Variants in PLPPR1 observed in about 807,000 individuals in gnomAD.
PLPPR1 encodes phospholipid phosphatase related 1.
PLPPR1 carries 10 observed loss-of-function variants against 33.1 expected under a neutral mutation model. The observed-to-expected ratio is 0.30, with a 90% CI of 0.19 to 0.51. The LOEUF is 0.51. PLPPR1 is among the 20% of genes least tolerant of loss of function. The probability of loss-of-function intolerance (pLI) is 0.97; values close to 1 mark genes in which losing one functional copy is unlikely to be tolerated. For synonymous variants in PLPPR1, 151 were observed against 151.0 expected (o/e 1.00, Z 0.00); for missense variants, 304 against 408.1 (o/e 0.74, Z 2.20).
At chr9:101,048,193 A>G (rs956380620) in intron 1 of PLPPR1, among the ~76,000 whole-genome samples, 3 of 152,220 alleles carry the variant, frequency 2.0e-5, no homozygotes, top group Admixed American at 1.3e-4. Context: ...AAACCAGTCC[A>G]TAAATAGATG....
chr9:101,089,841 A>G (rs1045026669), intron 1 of PLPPR1, among the ~76,000 whole-genome samples: 7 of 152,140 alleles, frequency 4.6e-5, no homozygotes, highest in African/African-American at 1.7e-4. Flanking sequence ...TTTGATACAT[A>G]TTTCTAAACT....
chr9:101,215,067 C>G (rs1408048635), intron 2 of PLPPR1, among the ~76,000 whole-genome samples: 1 of 150,272 alleles, frequency 6.7e-6, no homozygotes, highest in African/African-American at 2.4e-5. Context: ...GCTAAAGGGA[C>G]CAGATAAACT....
At position 101,110,817 on chromosome 9, in the gene PLPPR1, A is replaced by G. The variant is rs1460434099; in HGVS notation, c.-45-74633A>G. On this transcript the variant is annotated intron_variant, in intron 1 of 7. Coordinates refer to ENST00000374874, the MANE Select transcript of PLPPR1 (RefSeq NM_207299.2). ...ATGATGTTCATGTGTTACTTCTATA[A>G]TTAGTAATAGTTTATAAAGAGCCTT... 2.0e-5 allele frequency among the ~76,000 whole-genome samples: 3 copies of G among 152,162 alleles called. No individual in the cohort carries two copies. In the South Asian group the frequency reaches 6.2e-4, roughly 32 times the overall value.
At chr9:101,303,968 T>A (rs1828798724) in intron 4 of PLPPR1, among the ~76,000 whole-genome samples, 1 of 152,236 alleles carries the variant, frequency 6.6e-6, no homozygotes, top group African/African-American at 2.4e-5. Context: ...GAGTTTCTTG[T>A]GCTTCACAAA....
At chr9:101,180,136 A>G (rs1398747578) in intron 1 of PLPPR1, among the ~76,000 whole-genome samples, 1 of 51,152 alleles carries the variant, frequency 2.0e-5, no homozygotes. Context: ...ATATATATAT[A>G]TATATATACA....
In PLPPR1 at chr9:101,119,746, G is replaced by A. The variant is rs185609374; in HGVS notation, c.-45-65704G>A. Among the ~76,000 whole-genome samples, 97 of 152,264 alleles carry A rather than the reference G, an allele frequency of 6.4e-4. 1 individual carries two copies. Among genetic ancestry groups the A allele is most frequent in the African/African-American group, 2.1e-3 (88 of 41,568 alleles). On this transcript the variant is annotated intron_variant, in intron 1 of 7. Transcript: ENST00000374874. ...GATGAGATGCCTTCCAGAGGACCTC[G>A]AAGATAACCTCAATTGGCCTTTTTG...
At chr9:101,220,452 C>T (rs1340482214) in intron 2 of PLPPR1, among the ~76,000 whole-genome samples, 1 of 152,200 alleles carries the variant, frequency 6.6e-6, no homozygotes, top group Non-Finnish European at 1.5e-5. Context: ...TTCAAACTGA[C>T]TGCTTTACCT....
intron 2 of PLPPR1, among the ~76,000 whole-genome samples, chr9:101,190,232 T>C (rs576836024): frequency 2.6e-5 from 4 of 152,314 alleles, no homozygotes; most frequent in African/African-American, 7.2e-5. Context: ...GGGATAACCA[T>C]TGTTTGTAGG....
intron 6 of PLPPR1, among the ~76,000 whole-genome samples, chr9:101,316,032 A>T (rs1829044763): frequency 6.6e-6 from 1 of 152,202 alleles, no homozygotes; most frequent in African/African-American, 2.4e-5. Flanking sequence ...GAGGAAAATG[A>T]GGCTCAAAGA....
intron 1 of PLPPR1, among the ~76,000 whole-genome samples, chr9:101,040,053 T>C (rs1473776955): frequency 6.6e-6 from 1 of 152,004 alleles, no homozygotes; most frequent in Non-Finnish European, 1.5e-5. Flanking sequence ...ATTCAGAACA[T>C]AGCAAGAGGT....
chr9:101,313,386 C>G (rs1023543444), intron 6 of PLPPR1, among the ~76,000 whole-genome samples: 5 of 152,182 alleles, frequency 3.3e-5, no homozygotes, highest in African/African-American at 9.7e-5. Flanking sequence ...CTGGTAGAAG[C>G]AAGCAGCCTC....
intron 2 of PLPPR1, among the ~76,000 whole-genome samples, chr9:101,254,833 T>C (rs1827771356): frequency 6.6e-6 from 1 of 152,158 alleles, no homozygotes; most frequent in African/African-American, 2.4e-5. Flanking sequence ...TAACCAAAAA[T>C]GACACTGTAT....
chr9:101,162,666 C>T (rs750830062), intron 1 of PLPPR1, among the ~76,000 whole-genome samples: 6 of 152,098 alleles, frequency 3.9e-5, no homozygotes, highest in Non-Finnish European at 8.8e-5. Flanking sequence ...TCAATCTTAC[C>T]ATTGCTTTTG....
At chr9:101,129,683 T>C (rs1429475846) in intron 1 of PLPPR1, among the ~76,000 whole-genome samples, 1 of 151,918 alleles carries the variant, frequency 6.6e-6, no homozygotes, top group East Asian at 1.9e-4. Context: ...TACAAAAAAA[T>C]AGCCAGGTGT....
chr9:101,106,084 G>GA (rs1352107246), intron 1 of PLPPR1, among the ~76,000 whole-genome samples: 3 of 151,360 alleles, frequency 2.0e-5, no homozygotes, highest in African/African-American at 7.4e-5. Context: ...GCACACTGAT[G>GA]GTCTTGACTC....
intron 2 of PLPPR1, among the ~76,000 whole-genome samples, chr9:101,268,211 C>G (rs1828033233): frequency 6.6e-6 from 1 of 151,172 alleles, no homozygotes; most frequent in Non-Finnish European, 1.5e-5. Context: ...TGTAACAAAC[C>G]TGCACATTGT....
intron 1 of PLPPR1, among the ~76,000 whole-genome samples, chr9:101,124,617 C>A (rs1831222024): frequency 6.6e-6 from 1 of 152,130 alleles, no homozygotes; most frequent in Non-Finnish European, 1.5e-5. Context: ...GAAACAGGCC[C>A]CTTCTAACAG....
chr9:101,054,820 C>G lies in PLPPR1; in HGVS notation c.-46+25718C>G, dbSNP rs536024191. On this transcript the variant is annotated intron_variant, in intron 1 of 7. Transcript: ENST00000374874. ...ACCTCTCCGTGTGCATTTGCTGTGT[C>G]AGCCAAAAGTGAAAAGACAGAATGG... is the stretch of plus-strand genomic sequence containing the variant. 3.3e-4 allele frequency among the ~76,000 whole-genome samples: 50 copies of G among 152,296 alleles called. No individual in the cohort carries two copies. In the Middle Eastern group the frequency reaches 0.014, roughly 41 times the overall value.
intron 2 of PLPPR1, among the ~76,000 whole-genome samples, chr9:101,265,613 G>A (rs575931708): frequency 6.6e-6 from 1 of 152,352 alleles, no homozygotes; most frequent in Admixed American, 6.5e-5. Context: ...CATCATCAGT[G>A]CAGTGAGATG....
Sources: gnomAD v4.1 joint callset for allele counts (sites outside exome capture counted in the v4.1 genomes callset) on GRCh38, gnomAD v4.1.1 for gene constraint, MANE v1.5 for transcripts, NCBI Gene and HGNC (gene_info 2026-07-23, HGNC 2026-07-21) for gene names.